Variants in CALN1 observed in about 807,000 individuals in gnomAD.
CALN1 encodes calneuron 1, also known as calcium-binding protein 8.
Under a neutral mutation model 30.6 loss-of-function variants are expected in CALN1, and 17 were observed. The observed-to-expected ratio is 0.56, with a 90% CI of 0.38 to 0.83. CALN1 has a LOEUF of 0.83. CALN1 is among the 40% of genes least tolerant of loss of function. CALN1 has a pLI of 0.00. For synonymous variants in CALN1, 156 were observed against 131.4 expected, an observed-to-expected ratio of 1.19 and a Z score of -1.28; for missense variants, 291 against 354.9, an observed-to-expected ratio of 0.82 and a Z score of 1.45.
chr7:71,819,356 C>G (rs571318240), intron 5 of CALN1, among the ~76,000 whole-genome samples: 22 of 152,074 alleles, frequency 1.4e-4, no homozygotes, highest in South Asian at 1.2e-3. Flanking sequence ...TTACAGGCAT[C>G]TGCCACCACA....
intron 6 of CALN1, among the ~76,000 whole-genome samples, chr7:71,790,261 AAAGCAAGAAAGC>A (rs1024311284): frequency 5.9e-5 from 9 of 151,424 alleles, no homozygotes; most frequent in East Asian, 1.9e-4. Flanking sequence ...AAGAAGAAAG[AAAGCAAGAAAGC>A]AAGCAAGAAA....
intron 4 of CALN1, among the ~76,000 whole-genome samples, chr7:72,072,173 A>G (rs541795770): frequency 6.6e-6 from 1 of 152,312 alleles, no homozygotes; most frequent in Admixed American, 6.5e-5. Context: ...AAGAAGCTCA[A>G]TGAACTTCAT....
chr7:71,829,226 G>T (rs1789115618), intron 5 of CALN1, among the ~76,000 whole-genome samples: 1 of 152,160 alleles, frequency 6.6e-6, no homozygotes, highest in Admixed American at 6.5e-5. Flanking sequence ...AACCCTAAAT[G>T]TAATCATGTA....
chr7:72,468,533 C>G, the CALN1 span, among the ~76,000 whole-genome samples: 1 of 152,124 alleles, frequency 6.6e-6, no homozygotes, highest in Admixed American at 6.6e-5. Flanking sequence ...AGGCTAGTCT[C>G]GAACTCCTGA....
chr7:72,464,219 G>A, the CALN1 span, among the ~76,000 whole-genome samples: 1 of 152,274 alleles, frequency 6.6e-6, no homozygotes, highest in Admixed American at 6.5e-5. Context: ...TGAGGCAGGA[G>A]GATTGCTCAA....
At chr7:71,993,807 T>TC (rs143517355) in intron 5 of CALN1, among the ~76,000 whole-genome samples, 5,380 of 152,172 alleles carry the variant, frequency 0.035, 316 homozygotes, top group African/African-American at 0.12. Flanking sequence ...AATTCCATCA[T>TC]CATCATTTTA....
the CALN1 span, among the ~76,000 whole-genome samples, chr7:72,467,317 T>A: frequency 6.6e-6 from 1 of 151,340 alleles, no homozygotes; most frequent in Non-Finnish European, 1.5e-5. Flanking sequence ...GGCAGGGGGG[T>A]GCCATGCCAG....
intron 3 of CALN1, among the ~76,000 whole-genome samples, chr7:72,142,618 AAG>A (rs1810035662): frequency 6.6e-6 from 1 of 152,190 alleles, no homozygotes; most frequent in Admixed American, 6.5e-5. Context: ...GACATCTTGG[AAG>A]AGAGTAGTGG....
At chr7:72,091,772 T>C (rs1211526657) in intron 4 of CALN1, among the ~76,000 whole-genome samples, 1 of 152,144 alleles carries the variant, frequency 6.6e-6, no homozygotes, top group Non-Finnish European at 1.5e-5. Flanking sequence ...TCCACCAAAT[T>C]ATTGCAATGA....
intron 3 of CALN1, among the ~76,000 whole-genome samples, chr7:72,176,914 G>T (rs1430395429): frequency 6.6e-6 from 1 of 152,096 alleles, no homozygotes; most frequent in African/African-American, 2.4e-5. Flanking sequence ...TTTTAGGCTT[G>T]CTCCCTTCCA....
chr7:71,937,627 T>C (rs181251136), intron 5 of CALN1, among the ~76,000 whole-genome samples: 1 of 151,914 alleles, frequency 6.6e-6, no homozygotes, highest in African/African-American at 2.4e-5. Context: ...TACAAGTGTG[T>C]ACCATTACAT....
chr7:72,352,388 CA>C (rs59245091), intron 2 of CALN1, among the ~76,000 whole-genome samples: 50 of 82,036 alleles, frequency 6.1e-4, no homozygotes, highest in Middle Eastern at 7.8e-3. Flanking sequence ...GACTCTGTCT[CA>C]AAAAAAAAAA....
At chr7:72,270,713 T>A (rs1018018852) in intron 3 of CALN1, among the ~76,000 whole-genome samples, 5 of 152,202 alleles carry the variant, frequency 3.3e-5, no homozygotes, top group African/African-American at 1.2e-4. Flanking sequence ...AGGTCAATGC[T>A]ACAGTGAGCC....
In CALN1 at chr7:72,074,628, G is replaced by A. The variant is rs140646111; in HGVS notation, c.388+31523C>T. On this transcript the variant is annotated intron_variant, in intron 4 of 6. Coordinates refer to ENST00000395275, the MANE Select transcript of CALN1 (RefSeq NM_031468.4). ...TTGCCGTGTTGGCCAGGCTGGTCTC[G>A]AACTCCTGACCTCAGATGATCCGCC... Among the ~76,000 whole-genome samples the A allele has an allele frequency of 1.8e-4, 27 of 152,198 alleles. No homozygotes were observed. In the East Asian group the frequency reaches 2.1e-3, roughly 12 times the overall value.
Position 72,054,230 on chromosome 7 carries a change from G to A in CALN1, c.389-30461C>T, listed in dbSNP as rs950994237. ...TTAAGGAATCTCCACACTGTTTTCC[G>A]TAGCGGCTGTACTAGTTTACATTCC... is the stretch of plus-strand genomic sequence containing the variant. On this transcript the variant is annotated intron_variant, in intron 4 of 6. Coordinates refer to ENST00000395275, the MANE Select transcript of CALN1 (RefSeq NM_031468.4). 1.8e-4 allele frequency among the ~76,000 whole-genome samples: 28 copies of A among 151,822 alleles called. 1 individual carries two copies. The highest frequency in any genetic ancestry group is 3.9e-4 in the African/African-American group (16 of 41,406).
intron 3 of CALN1, among the ~76,000 whole-genome samples, chr7:72,229,967 C>A (rs912817670): frequency 6.6e-6 from 1 of 151,628 alleles, no homozygotes; most frequent in Non-Finnish European, 1.5e-5. Context: ...AGGGTGAAAC[C>A]CCGTCTCTAC....
At chr7:72,015,122 T>C (rs1271170823) in intron 5 of CALN1, among the ~76,000 whole-genome samples, 1 of 152,248 alleles carries the variant, frequency 6.6e-6, no homozygotes, top group Non-Finnish European at 1.5e-5. Flanking sequence ...AAAATTATAG[T>C]GTTAAATAGA....
upstream of CALN1, among the ~76,000 whole-genome samples, chr7:72,447,407 C>A (rs944238000): frequency 1.3e-5 from 2 of 152,132 alleles, no homozygotes; most frequent in Non-Finnish European, 2.9e-5. Flanking sequence ...TGAATCGGAA[C>A]CACAGGGCTG....
the CALN1 span, among the ~76,000 whole-genome samples, chr7:72,468,869 G>A: frequency 6.6e-6 from 1 of 152,140 alleles, no homozygotes; most frequent in African/African-American, 2.4e-5. Context: ...TTGGGGAAAT[G>A]CCTGTTCAAA....
Sources: gnomAD v4.1 joint callset for allele counts (sites outside exome capture counted in the v4.1 genomes callset) on GRCh38, gnomAD v4.1.1 for gene constraint, MANE v1.5 for transcripts, NCBI Gene and HGNC (gene_info 2026-07-23, HGNC 2026-07-21) for gene names.